The following MARCHF1 variants were observed in gnomAD, a reference collection of about 807,000 sequenced individuals.
The protein encoded by MARCHF1 is membrane associated ring-CH-type finger 1.
In MARCHF1, 40 loss-of-function variants were observed where a neutral mutation model predicts 54.2. The ratio of observed to expected loss-of-function variants is 0.74; its 90% CI spans 0.57 to 0.96. The LOEUF is 0.96. MARCHF1 is among the 40% of genes least tolerant of loss of function. The pLI is 0.00. For synonymous variants in MARCHF1, 236 were observed against 236.3 expected, an observed-to-expected ratio of 1.00 and a Z score of 0.01; for missense variants, 586 against 656.5, an observed-to-expected ratio of 0.89 and a Z score of 1.17.
At chr4:163,553,805 T>C (rs1477292696) in intron 8 of MARCHF1, among the ~76,000 whole-genome samples, 2 of 152,204 alleles carry the variant, frequency 1.3e-5, no homozygotes, top group Admixed American at 1.3e-4. Flanking sequence ...CTTAGAATTA[T>C]GTCTTCTGTG....
At chr4:164,000,937 A>T (rs545835502) in intron 2 of MARCHF1, among the ~76,000 whole-genome samples, 81 of 151,842 alleles carry the variant, frequency 5.3e-4, no homozygotes, top group African/African-American at 1.8e-3. Context: ...GGTTATGTTT[A>T]GTTAGTCATT....
chr4:164,075,432 G>A (rs1299201323), intron 2 of MARCHF1, among the ~76,000 whole-genome samples: 1 of 152,180 alleles, frequency 6.6e-6, no homozygotes, highest in Admixed American at 6.5e-5. Context: ...TAATCACCAA[G>A]AGAGGGATTC....
intron 5 of MARCHF1, among the ~76,000 whole-genome samples, chr4:163,681,752 C>A (rs1478240673): frequency 6.6e-6 from 1 of 152,178 alleles, no homozygotes; most frequent in Non-Finnish European, 1.5e-5. Context: ...AACCTCTTTC[C>A]TTTATAAGTT....
chr4:163,805,851 T>C (rs755836342), intron 4 of MARCHF1, among the ~76,000 whole-genome samples: 5 of 152,232 alleles, frequency 3.3e-5, no homozygotes, highest in Non-Finnish European at 7.3e-5. Context: ...CCCTCTTCTC[T>C]TGTTCTCTTA....
chr4:164,233,048 A>AT (rs1224552005), intron 1 of MARCHF1, among the ~76,000 whole-genome samples: 3 of 152,272 alleles, frequency 2.0e-5, no homozygotes, highest in African/African-American at 7.2e-5. Context: ...TTTAGAAGTA[A>AT]TTTCAGTGCC....
intron 2 of MARCHF1, among the ~76,000 whole-genome samples, chr4:164,062,757 C>T (rs1386474699): frequency 6.6e-6 from 1 of 152,144 alleles, no homozygotes; most frequent in Non-Finnish European, 1.5e-5. Context: ...CTTCTGACCT[C>T]AGGTGATCCG....
chr4:164,297,628 A>G (rs1734445293), intron 1 of MARCHF1, among the ~76,000 whole-genome samples: 1 of 152,152 alleles, frequency 6.6e-6, no homozygotes, highest in African/African-American at 2.4e-5. Context: ...GTGGATTAGA[A>G]AAAGGGTATT....
At chr4:164,015,900 C>CCA (rs1560862795) in intron 2 of MARCHF1, among the ~76,000 whole-genome samples, 3 of 143,626 alleles carry the variant, frequency 2.1e-5, no homozygotes, top group African/African-American at 2.6e-5. Flanking sequence ...TAAGTTTCCC[C>CCA]AAAAAAAAAA....
chr4:164,301,022 C>T (rs1186490197), intron 1 of MARCHF1, among the ~76,000 whole-genome samples: 2 of 151,644 alleles, frequency 1.3e-5, no homozygotes, highest in African/African-American at 4.8e-5. Flanking sequence ...TGTTTAGTTG[C>T]CTAGCATAAG....
chr4:163,745,038 T>C (rs1255419535), intron 4 of MARCHF1, among the ~76,000 whole-genome samples: 1 of 151,966 alleles, frequency 6.6e-6, no homozygotes, highest in African/African-American at 2.4e-5. Flanking sequence ...AGCTTAGCAA[T>C]CTCACGCCAG....
At chr4:163,919,694 T>TTATC (rs1425709476) in intron 3 of MARCHF1, among the ~76,000 whole-genome samples, 1 of 152,104 alleles carries the variant, frequency 6.6e-6, no homozygotes, top group Non-Finnish European at 1.5e-5. Flanking sequence ...ACAAACTCTG[T>TTATC]TATCTCAATG....
At chr4:163,837,908 C>T (rs1268095327) in intron 4 of MARCHF1, among the ~76,000 whole-genome samples, 1 of 152,052 alleles carries the variant, frequency 6.6e-6, no homozygotes, top group Non-Finnish European at 1.5e-5. Flanking sequence ...CTACATAAAG[C>T]AATTGTAACA....
rs954074212 is a variant in MARCHF1 at position 163,685,749 on chromosome 4, C to T, written c.162+15064G>A. 1.5e-4 allele frequency among the ~76,000 whole-genome samples: 23 copies of T among 152,256 alleles called. 1 individual carries two copies. The highest frequency in any genetic ancestry group is 4.1e-4 in the South Asian group (2 of 4,828). On this transcript the variant is annotated intron_variant, in intron 5 of 9. Transcript: ENST00000514618. ...GATTACAGGAGTGAGCCACCACACC[C>T]GGCCAATTCTCCAATTATTTTTGAA... is the stretch of plus-strand genomic sequence containing the variant.
At chr4:164,080,999 G>C (rs1755084603) in intron 2 of MARCHF1, among the ~76,000 whole-genome samples, 1 of 150,160 alleles carries the variant, frequency 6.7e-6, no homozygotes, top group African/African-American at 2.4e-5. Flanking sequence ...ATGAGGTCAG[G>C]AGATCGAGAC....
At chr4:164,193,359 T>C (rs1159430142) in intron 1 of MARCHF1, among the ~76,000 whole-genome samples, 1 of 151,996 alleles carries the variant, frequency 6.6e-6, no homozygotes, top group African/African-American at 2.4e-5. Flanking sequence ...TATCTGTAAC[T>C]TCCCAGTTCT....
chr4:164,172,625 T>A (rs1360879728), intron 1 of MARCHF1, among the ~76,000 whole-genome samples: 1 of 152,088 alleles, frequency 6.6e-6, no homozygotes, highest in African/African-American at 2.4e-5. Context: ...TAAAGTAATT[T>A]TAGGAAGTTT....
chr4:163,606,112 G>A (rs553667942), intron 7 of MARCHF1, among the ~76,000 whole-genome samples: 29 of 152,200 alleles, frequency 1.9e-4, no homozygotes, highest in Admixed American at 1.3e-3. Flanking sequence ...ATGGTACAAA[G>A]TATATCCTCA....
chr4:164,139,472 A>G (rs2052970), intron 1 of MARCHF1, among the ~76,000 whole-genome samples: 126,682 of 151,126 alleles, frequency 0.84, 53,634 homozygotes, highest in Non-Finnish European at 0.89. Context: ...ATTGGCAGCA[A>G]CAGCTGAGCT....
chr4:164,295,998 A>G (rs571064382), intron 1 of MARCHF1, among the ~76,000 whole-genome samples: 1 of 152,324 alleles, frequency 6.6e-6, no homozygotes, highest in Admixed American at 6.5e-5. Context: ...CAATTAAAGA[A>G]GAGAAATTTG....
Sources: allele counts gnomAD v4.1 joint callset (sites outside exome capture counted in the v4.1 genomes callset), GRCh38; gene constraint gnomAD v4.1.1; transcripts MANE v1.5; gene names NCBI Gene and HGNC (gene_info 2026-07-23, HGNC 2026-07-21).